The following GRK5 variants were observed in gnomAD, a reference collection of about 807,000 sequenced individuals.
The protein encoded by GRK5 is G protein-coupled receptor kinase 5.
GRK5 carries 40 observed loss-of-function variants against 78.4 expected under a neutral mutation model. The ratio of observed to expected loss-of-function variants is 0.51; its 90% CI spans 0.40 to 0.66. GRK5 has a LOEUF of 0.66. GRK5 is among the 30% of genes least tolerant of loss of function. GRK5 has a pLI of 0.00. For synonymous variants in GRK5, 289 were observed against 296.8 expected, an observed-to-expected ratio of 0.97 and a Z score of 0.27; for missense variants, 598 against 759.9, an observed-to-expected ratio of 0.79 and a Z score of 2.50.
At chr10:119,236,225 C>CT (rs912465652) in intron 1 of GRK5, among the ~76,000 whole-genome samples, 13 of 150,346 alleles carry the variant, frequency 8.6e-5, no homozygotes, top group Admixed American at 1.3e-4. Context: ...TTTTTTTTTT[C>CT]TTTTTTTTGA....
At chr10:119,328,070 G>C (rs1357865784) in intron 2 of GRK5, among the ~76,000 whole-genome samples, 1 of 152,222 alleles carries the variant, frequency 6.6e-6, no homozygotes, top group Non-Finnish European at 1.5e-5. Context: ...GAGTGGGTGA[G>C]ATGAGACCAT....
intron 1 of GRK5, among the ~76,000 whole-genome samples, chr10:119,277,668 GT>G (rs568322485): frequency 6.1e-4 from 93 of 152,250 alleles, no homozygotes; most frequent in African/African-American, 2.2e-3. Context: ...CCACAAACAA[GT>G]TATCCATCAC....
chr10:119,275,587 G>GCT (rs143881383), intron 1 of GRK5, among the ~76,000 whole-genome samples: 24,387 of 130,006 alleles, frequency 0.19, 2,248 homozygotes, highest in Middle Eastern at 0.23. Context: ...GCGTGTGCAC[G>GCT]CTCTCTCTCT....
intron 2 of GRK5, among the ~76,000 whole-genome samples, chr10:119,352,513 T>A (rs1564901755): frequency 6.6e-6 from 1 of 152,210 alleles, no homozygotes; most frequent in Non-Finnish European, 1.5e-5. Context: ...CAGATCGAAC[T>A]GCTTCTCGTT....
intron 1 of GRK5, among the ~76,000 whole-genome samples, chr10:119,307,506 C>T (rs1329309574): frequency 6.6e-6 from 1 of 152,024 alleles, no homozygotes; most frequent in African/African-American, 2.4e-5. Context: ...ACCTGACCAG[C>T]GACTGCTGGT....
rs59740732 is a variant in GRK5 at position 119,304,284 on chromosome 10, CTTTTTTT to C, written c.53-22213_53-22207del. Among the ~76,000 whole-genome samples the C allele has an allele frequency of 9.3e-5, 7 of 75,042 alleles. No homozygotes were observed. In the South Asian group the frequency reaches 2.1e-3, roughly 23 times the overall value. 49.2% of individuals were successfully genotyped at this position (75,042 alleles called of 152,430 possible). A position where few individuals can be genotyped will look rare whatever the true frequency, so the allele number is the denominator to read the frequency against. On this transcript the variant is annotated intron_variant, in intron 1 of 15. Coordinates refer to ENST00000392870, the MANE Select transcript of GRK5 (RefSeq NM_005308.3). ...AGCAGTATGCTAACTGTGTGAGCTG[CTTTTTTT>C]TTTTTTTTTTTTTTTTTTGACAGGG...
At chr10:119,224,948 C>T (rs1255128402) in intron 1 of GRK5, among the ~76,000 whole-genome samples, 1 of 151,762 alleles carries the variant, frequency 6.6e-6, no homozygotes, top group African/African-American at 2.4e-5. Flanking sequence ...CCCTTCAAAT[C>T]TTGAGAATTT....
chr10:119,406,957 C>T (rs1232318424), intron 4 of GRK5, among the ~76,000 whole-genome samples: 1 of 152,218 alleles, frequency 6.6e-6, no homozygotes, highest in Admixed American at 6.5e-5. Context: ...TTTGCTAAGT[C>T]CTCATCACAG....
At chr10:119,317,847 A>C (rs1850518487) in intron 1 of GRK5, among the ~76,000 whole-genome samples, 2 of 152,142 alleles carry the variant, frequency 1.3e-5, no homozygotes, top group South Asian at 4.1e-4. Context: ...TGGTCCCGTC[A>C]TTCCTTTTCT....
intron 4 of GRK5, among the ~76,000 whole-genome samples, chr10:119,401,208 G>A (rs1852144792): frequency 6.6e-6 from 1 of 152,186 alleles, no homozygotes; most frequent in South Asian, 2.1e-4. Context: ...TAAAATTGCT[G>A]GAAGCCAGGA....
chr10:119,372,993 A>G (rs537015527), intron 2 of GRK5, among the ~76,000 whole-genome samples: 19 of 152,350 alleles, frequency 1.2e-4, no homozygotes, highest in African/African-American at 4.3e-4. Context: ...CTGGTCTGTG[A>G]TAAGTACAGA....
chr10:119,287,026 A>C (rs922043054), intron 1 of GRK5, among the ~76,000 whole-genome samples: 3 of 151,326 alleles, frequency 2.0e-5, no homozygotes, highest in African/African-American at 7.3e-5. Flanking sequence ...ATGCTCAATA[A>C]ATTTATATTG....
rs1007422914 is a variant in GRK5 at position 119,238,790 on chromosome 10, C to T, written c.52+30821C>T. Among the ~76,000 whole-genome samples, 2 of 151,998 alleles carry T rather than the reference C, an allele frequency of 1.3e-5. No individual in the cohort carries two copies. Among genetic ancestry groups the T allele is most frequent in the Admixed American group, 6.6e-5 (1 of 15,258 alleles). On this transcript the variant is annotated intron_variant, in intron 1 of 15. Coordinates refer to ENST00000392870, the MANE Select transcript of GRK5 (RefSeq NM_005308.3). The surrounding 1 kb of genome is among the most constrained non-coding windows in gnomAD (Gnocchi z 4.7). ...TGGGCTCTGATGAGAAATGATGACC[C>T]CGGAGAAGGGTGGTCATATGGCCAG...
chr10:119,384,717 G>A (rs1427969409), intron 3 of GRK5, among the ~76,000 whole-genome samples: 2 of 152,310 alleles, frequency 1.3e-5, no homozygotes, highest in African/African-American at 4.8e-5. Context: ...TGGGCCCAGT[G>A]GAGGTTGGTG....
intron 2 of GRK5, among the ~76,000 whole-genome samples, chr10:119,335,308 C>T (rs912719018): frequency 1.2e-4 from 19 of 152,034 alleles, no homozygotes; most frequent in African/African-American, 4.6e-4. Flanking sequence ...GTTCCTATAT[C>T]AACCTTCTGA....
intron 4 of GRK5, among the ~76,000 whole-genome samples, chr10:119,405,803 T>A (rs1852229558): frequency 1.3e-5 from 2 of 152,230 alleles, no homozygotes; most frequent in Non-Finnish European, 2.9e-5. Flanking sequence ...AGCACTTGCG[T>A]GGTTTTGGCC....
At chr10:119,444,688 C>T (rs1479764007) in intron 12 of GRK5, among the ~76,000 whole-genome samples, 1 of 152,186 alleles carries the variant, frequency 6.6e-6, no homozygotes, top group East Asian at 1.9e-4. Flanking sequence ...CCACAGACTT[C>T]CTCTCCTCTC....
intron 1 of GRK5, among the ~76,000 whole-genome samples, chr10:119,224,989 G>A (rs1016229718): frequency 2.6e-5 from 4 of 151,918 alleles, no homozygotes; most frequent in Non-Finnish European, 4.4e-5. Flanking sequence ...TAATTCAACT[G>A]TGGGTACTTC....
At chr10:119,380,308 G>C (rs923815976) in intron 2 of GRK5, among the ~76,000 whole-genome samples, 2 of 152,120 alleles carry the variant, frequency 1.3e-5, no homozygotes, top group African/African-American at 4.8e-5. Flanking sequence ...GATGTGTCAG[G>C]CTCATCCTCA....
Sources: allele counts gnomAD v4.1 joint callset (sites outside exome capture counted in the v4.1 genomes callset), GRCh38; gene constraint gnomAD v4.1.1; non-coding constraint Gnocchi (gnomAD v3.1); transcripts MANE v1.5; gene names NCBI Gene and HGNC (gene_info 2026-07-23, HGNC 2026-07-21).